Variants in SOS1 observed in about 807,000 individuals in gnomAD.
The protein encoded by SOS1 is son of sevenless homolog 1.
A neutral mutation model predicts 157.6 loss-of-function variants in SOS1; 25 were observed. The ratio of observed to expected loss-of-function variants is 0.16; its 90% confidence interval spans 0.12 to 0.22. SOS1 has a LOEUF of 0.22. Among genes scored for constraint, SOS1 ranks in the 10% least tolerant of loss-of-function variants. The probability of loss-of-function intolerance (pLI) is 1.00; values close to 1 mark genes in which losing one functional copy is unlikely to be tolerated. For synonymous variants in SOS1, 528 were observed against 534.0 expected (o/e 0.99, Z 0.16); for missense variants, 1,237 against 1,599.1 (o/e 0.77, Z 3.86).
intron 1 of SOS1, among the ~76,000 whole-genome samples, chr2:39,068,202 G>A (rs1044494807): frequency 6.6e-6 from 1 of 152,174 alleles, no homozygotes; most frequent in Non-Finnish European, 1.5e-5. Context: ...GAAGTCAGGA[G>A]TTCTCAACCC....
At chr2:39,002,254 G>A (rs917090538) in intron 17 of SOS1, among the ~76,000 whole-genome samples, 10 of 152,132 alleles carry the variant, frequency 6.6e-5, no homozygotes, top group Admixed American at 3.3e-4. Flanking sequence ...GAACCCGGGA[G>A]GCAGAGGTTG....
chr2:39,100,790 A>G (rs1161575290), intron 1 of SOS1, among the ~76,000 whole-genome samples: 1 of 152,118 alleles, frequency 6.6e-6, no homozygotes, highest in Non-Finnish European at 1.5e-5. Context: ...GTGGTGGTAC[A>G]CACCTTTAGT....
At chr2:39,012,037 T>C (rs1168945772) in intron 14 of SOS1, 89 bp downstream of exon 14, 2 of 994,692 alleles carry the variant, frequency 2.0e-6, no homozygotes, top group South Asian at 1.3e-5. Context: ...TTAAGTCTTA[T>C]GAAAACCCTA....
rs878996831 is a variant in SOS1 at position 39,046,918 on chromosome 2, G to A, written c.864+4226C>T. Among the ~76,000 whole-genome samples, 2 of 152,120 alleles carry A rather than the reference G, an allele frequency of 1.3e-5. 1 individual carries two copies. The highest frequency in any genetic ancestry group is 1.3e-4 in the Admixed American group (2 of 15,270). On this transcript the variant is annotated intron_variant, in intron 6 of 22. Transcript: ENST00000402219. ...ATCTTATAATGAGTGTCTACAAGTA[G>A]TAAACGCTCTTGGTCATTGTATGTT...
At chr2:39,025,305 A>G (rs1001599364) in intron 8 of SOS1, among the ~76,000 whole-genome samples, 4 of 152,162 alleles carry the variant, frequency 2.6e-5, no homozygotes, top group African/African-American at 9.7e-5. Context: ...AAAAGACTTG[A>G]GATACACAAT....
chr2:39,068,423 G>T (rs908358180), intron 1 of SOS1, among the ~76,000 whole-genome samples: 7 of 152,160 alleles, frequency 4.6e-5, no homozygotes, highest in African/African-American at 1.7e-4. Context: ...GGGCAAAACT[G>T]ACCTCCTATG....
intron 17 of SOS1, among the ~76,000 whole-genome samples, chr2:39,005,048 G>T (rs1177112662): frequency 6.6e-6 from 1 of 152,112 alleles, no homozygotes; most frequent in South Asian, 2.1e-4. Context: ...CTTATCCAAA[G>T]GTGATATGTT....
In SOS1 at chr2:38,983,553, G is replaced by C. The variant is rs780383395; in HGVS notation, c.*2271C>G. ...CTGAATTTTTCCTCTTTATAGACTA[G>C]ATAGGTTGAAAAGGGGTTATCACCT... On this transcript the variant is annotated 3_prime_UTR_variant, in exon 23 of 23. Transcript: ENST00000402219. 3.0e-5 allele frequency: 4 copies of C among 133,418 alleles called. No individual in the cohort carries two copies. Among genetic ancestry groups the C allele is most frequent in the Admixed American group, 1.6e-4 (2 of 12,178 alleles). 8.3% of individuals were successfully genotyped at this position (133,418 alleles called of 1,614,324 possible).
intron 1 of SOS1, among the ~76,000 whole-genome samples, chr2:39,071,766 T>C (rs1426471842): frequency 2.0e-5 from 3 of 152,246 alleles, no homozygotes; most frequent in Non-Finnish European, 2.9e-5. Context: ...TATAGCTCCA[T>C]TTCCAGCTGC....
intron 1 of SOS1, among the ~76,000 whole-genome samples, chr2:39,085,846 AG>A (rs1230712117): frequency 1.3e-5 from 2 of 152,244 alleles, no homozygotes; most frequent in Non-Finnish European, 2.9e-5. Flanking sequence ...TAAGAGACAC[AG>A]GCCCCACCCT....
At chr2:39,119,290 A>G (rs1673775509) in intron 1 of SOS1, among the ~76,000 whole-genome samples, 1 of 152,262 alleles carries the variant, frequency 6.6e-6, no homozygotes, top group African/African-American at 2.4e-5. Context: ...ATATATGAGC[A>G]AATTCTCCTG....
intron 10 of SOS1, among the ~76,000 whole-genome samples, chr2:39,018,436 T>TTTTCAAACAGAAATAACCAGGTTA (rs1232938778): frequency 1.3e-5 from 2 of 151,778 alleles, no homozygotes; most frequent in Admixed American, 1.3e-4. Context: ...AGCTAGGTTA[T>TTTTCAAACAGAAATAACCAGGTTA]TTTCAAACAG....
At chr2:39,092,037 T>C (rs1672615706) in intron 1 of SOS1, among the ~76,000 whole-genome samples, 1 of 152,314 alleles carries the variant, frequency 6.6e-6, no homozygotes, top group East Asian at 1.9e-4. Context: ...AAATTGACCA[T>C]AAATTTTTAA....
chr2:39,081,283 G>A (rs1373785294), intron 1 of SOS1, among the ~76,000 whole-genome samples: 1 of 152,212 alleles, frequency 6.6e-6, no homozygotes, highest in East Asian at 1.9e-4. Flanking sequence ...ACTGTGAGAA[G>A]CGTGGGCTGG....
chr2:39,031,221 A>G (rs1670148641), intron 8 of SOS1, among the ~76,000 whole-genome samples: 2 of 152,220 alleles, frequency 1.3e-5, no homozygotes, highest in Admixed American at 6.5e-5. Flanking sequence ...ATTTTAAAAT[A>G]GAGGGAAACT....
chr2:39,123,657 C>G (rs1450458944), upstream of SOS1, among the ~76,000 whole-genome samples: 1 of 152,158 alleles, frequency 6.6e-6, no homozygotes, highest in Non-Finnish European at 1.5e-5. Context: ...CGCGCCCGGC[C>G]GAGATCAACA....
intron 2 of SOS1, among the ~76,000 whole-genome samples, chr2:39,064,940 T>G (rs1188049315): frequency 6.6e-6 from 1 of 150,628 alleles, no homozygotes; most frequent in Non-Finnish European, 1.5e-5. Context: ...TTTTTTTTAG[T>G]AGAGATGGGG....
chr2:39,102,882 G>A (rs578172486), intron 1 of SOS1, among the ~76,000 whole-genome samples: 4 of 152,234 alleles, frequency 2.6e-5, no homozygotes, highest in South Asian at 2.1e-4. Flanking sequence ...TGGAGCCCAG[G>A]AAGTTGAGGC....
chr2:39,110,068 G>GTGTGTGTGTGTGTGTGTT (rs1395301175), intron 1 of SOS1, among the ~76,000 whole-genome samples: 79 of 148,686 alleles, frequency 5.3e-4, no homozygotes, highest in African/African-American at 1.9e-3. Flanking sequence ...GTGTGTGTGT[G>GTGTGTGTGTGTGTGTGTT]TGTGTGTGTG....
Sources: gnomAD v4.1 joint callset for allele counts (sites outside exome capture counted in the v4.1 genomes callset) on GRCh38, gnomAD v4.1.1 for gene constraint, MANE v1.5 for transcripts, NCBI Gene and HGNC (gene_info 2026-07-23, HGNC 2026-07-21) for gene names.